Variants in EXOC4 observed in about 807,000 individuals in gnomAD.
EXOC4 encodes exocyst complex component 4.
EXOC4 carries 71 observed loss-of-function variants against 107.2 expected under a neutral mutation model. The observed-to-expected ratio is 0.66, with a 90% CI of 0.55 to 0.81. EXOC4 has a LOEUF of 0.81. Ranked by LOEUF, EXOC4 falls within the 30% of genes least tolerant of loss-of-function variation. EXOC4 has a pLI of 0.00. For synonymous variants in EXOC4, 456 were observed against 441.2 expected (o/e 1.03, Z -0.42); for missense variants, 1,108 against 1,189.6 (o/e 0.93, Z 1.01).
chr7:133,972,361 GA>G (rs1484208186), intron 14 of EXOC4, among the ~76,000 whole-genome samples: 1 of 152,114 alleles, frequency 6.6e-6, no homozygotes, highest in Non-Finnish European at 1.5e-5. Flanking sequence ...TCATGTGACA[GA>G]AAAATTTTTA....
chr7:133,468,312 T>G (rs1798782120), intron 7 of EXOC4, among the ~76,000 whole-genome samples: 1 of 152,180 alleles, frequency 6.6e-6, no homozygotes, highest in African/African-American at 2.4e-5. Flanking sequence ...TGCTTTATTT[T>G]CAAAATGAAG....
chr7:133,301,404 A>G (rs973674795), intron 3 of EXOC4, among the ~76,000 whole-genome samples: 1 of 152,220 alleles, frequency 6.6e-6, no homozygotes, highest in Non-Finnish European at 1.5e-5. Context: ...CTAATTTTAT[A>G]TCTTTTTACT....
chr7:133,648,387 G>A (rs1030939239), intron 10 of EXOC4, among the ~76,000 whole-genome samples: 1 of 152,072 alleles, frequency 6.6e-6, no homozygotes, highest in African/African-American at 2.4e-5. Flanking sequence ...CCTACATTTC[G>A]TGGCATTACA....
rs188336864 is a variant in EXOC4 at position 133,613,308 on chromosome 7, T to A, written c.1418-16737T>A. Among the ~76,000 whole-genome samples, 3 of 152,290 alleles carry A rather than the reference T, an allele frequency of 2.0e-5. No individual in the cohort carries two copies. In the East Asian group the frequency reaches 5.8e-4, roughly 29 times the overall value. The stretch of plus-strand genomic sequence containing the variant: ...CATAACTGCATAAAATTAACTACAG[T>A]GCATACTGTACTATTGCAGCAATTT... On this transcript the variant is annotated intron_variant, in intron 9 of 17. Transcript: ENST00000253861.
chr7:133,325,351 GTT>G (rs1795213393), intron 5 of EXOC4, among the ~76,000 whole-genome samples: 1 of 152,194 alleles, frequency 6.6e-6, no homozygotes, highest in Non-Finnish European at 1.5e-5. Context: ...GCTGGTACTG[GTT>G]GTTCCTTTCC....
chr7:133,813,297 T>G (rs1352868129), intron 10 of EXOC4, among the ~76,000 whole-genome samples: 1 of 152,172 alleles, frequency 6.6e-6, no homozygotes, highest in Non-Finnish European at 1.5e-5. Context: ...CCCATCTGTT[T>G]ATGAGCAGAT....
intron 14 of EXOC4, among the ~76,000 whole-genome samples, chr7:133,978,819 T>C (rs909963394): frequency 6.6e-6 from 1 of 152,196 alleles, no homozygotes; most frequent in African/African-American, 2.4e-5. Context: ...CCCTTTCTTT[T>C]TGCCTTACAC....
chr7:133,762,340 C>CA (rs1796049136), intron 10 of EXOC4, among the ~76,000 whole-genome samples: 1 of 152,092 alleles, frequency 6.6e-6, no homozygotes, highest in South Asian at 2.1e-4. Flanking sequence ...CAGGTATGTG[C>CA]AAAAATGTCA....
intron 3 of EXOC4, among the ~76,000 whole-genome samples, chr7:133,304,092 G>A (rs1166904465): frequency 6.6e-6 from 1 of 152,194 alleles, no homozygotes; most frequent in South Asian, 2.1e-4. Context: ...GTGTGGATGT[G>A]CAGTGGGTGG....
intron 11 of EXOC4, among the ~76,000 whole-genome samples, chr7:133,830,846 T>G (rs1797794039): frequency 6.6e-6 from 1 of 152,240 alleles, no homozygotes; most frequent in Non-Finnish European, 1.5e-5. Context: ...TTTTTTAAAC[T>G]TAATGCCCTC....
chr7:133,288,567 A>G (rs951635001), intron 2 of EXOC4, among the ~76,000 whole-genome samples: 11 of 152,188 alleles, frequency 7.2e-5, no homozygotes, highest in Admixed American at 2.6e-4. Flanking sequence ...GGGAAGGTAT[A>G]ATAGCATGGA....
intron 10 of EXOC4, among the ~76,000 whole-genome samples, chr7:133,642,519 C>G (rs1802883103): frequency 6.6e-6 from 1 of 152,200 alleles, no homozygotes; most frequent in South Asian, 2.1e-4. Flanking sequence ...TCTAGTGTTG[C>G]TAGTTTCTAC....
chr7:133,378,941 T>A (rs1796553850), intron 7 of EXOC4, among the ~76,000 whole-genome samples: 1 of 151,964 alleles, frequency 6.6e-6, no homozygotes, highest in African/African-American at 2.4e-5. Context: ...ATACTGGATT[T>A]AAAAAAAACC....
At chr7:133,325,878 T>C (rs1414990080) in intron 5 of EXOC4, among the ~76,000 whole-genome samples, 2 of 152,212 alleles carry the variant, frequency 1.3e-5, no homozygotes, top group Admixed American at 1.3e-4. Context: ...TCTTTTCACA[T>C]AGTCCCATAT....
chr7:133,350,748 G>A (rs1454311579), intron 5 of EXOC4, among the ~76,000 whole-genome samples: 1 of 151,978 alleles, frequency 6.6e-6, no homozygotes, highest in Non-Finnish European at 1.5e-5. Context: ...TGGGGCAGTT[G>A]CATTGACTTT....
intron 9 of EXOC4, among the ~76,000 whole-genome samples, chr7:133,617,400 A>G (rs1314345676): frequency 1.3e-5 from 2 of 152,202 alleles, no homozygotes; most frequent in Admixed American, 6.5e-5. Flanking sequence ...TCATTTCATG[A>G]AAAAACTAAA....
chr7:133,746,403 A>G (rs545273775), intron 10 of EXOC4, among the ~76,000 whole-genome samples: 1 of 152,278 alleles, frequency 6.6e-6, no homozygotes, highest in Non-Finnish European at 1.5e-5. Flanking sequence ...CAAAAATTGT[A>G]GCATGATTAA....
intron 7 of EXOC4, among the ~76,000 whole-genome samples, chr7:133,430,572 TA>T (rs1797834174): frequency 6.6e-6 from 1 of 152,226 alleles, no homozygotes; most frequent in Non-Finnish European, 1.5e-5. Context: ...AATGCTGCTA[TA>T]AAAATTTGTA....
At chr7:133,484,488 TA>T (rs1799229300) in intron 9 of EXOC4, among the ~76,000 whole-genome samples, 1 of 152,116 alleles carries the variant, frequency 6.6e-6, no homozygotes, top group Non-Finnish European at 1.5e-5. Flanking sequence ...GTTTAATGTA[TA>T]ATTCTTCAGG....
Sources: allele counts gnomAD v4.1 joint callset (sites outside exome capture counted in the v4.1 genomes callset), GRCh38; gene constraint gnomAD v4.1.1; transcripts MANE v1.5; gene names NCBI Gene and HGNC (gene_info 2026-07-23, HGNC 2026-07-21).